Variants in AGBL1 observed in about 807,000 individuals in gnomAD.
The protein encoded by AGBL1 is cytosolic carboxypeptidase 4.
A neutral mutation model predicts 118.9 loss-of-function variants in AGBL1; 130 were observed. The observed-to-expected ratio is 1.09, with a 90% CI of 0.95 to 1.26. The LOEUF is 1.26. Ranked by LOEUF, AGBL1 falls within the 50% of genes most tolerant of loss-of-function variation. The pLI is 0.00. For missense variants in AGBL1, 1,584 were observed against 1,298.1 expected (o/e 1.22, Z -3.38); for synonymous variants, 555 against 478.9 (o/e 1.16, Z -2.08).
chr15:86,130,111 G>A (rs1255516868), intron 1 of AGBL1, among the ~76,000 whole-genome samples: 1 of 152,076 alleles, frequency 6.6e-6, no homozygotes. Context: ...GTCCACACTG[G>A]CCTCTTTTAT....
intron 18 of AGBL1, among the ~76,000 whole-genome samples, chr15:86,438,808 C>T (rs1254169686): frequency 6.6e-6 from 1 of 151,874 alleles, no homozygotes; most frequent in Non-Finnish European, 1.5e-5. Flanking sequence ...ATTACAGGCA[C>T]CTGCCACCAT....
At chr15:86,748,009 G>A (rs2077783337) in intron 22 of AGBL1, among the ~76,000 whole-genome samples, 1 of 152,118 alleles carries the variant, frequency 6.6e-6, no homozygotes, top group African/African-American at 2.4e-5. Context: ...TGGGATTGCT[G>A]GGTCAAATGG....
intron 14 of AGBL1, among the ~76,000 whole-genome samples, 200 bp from the exon 15 acceptor site, chr15:86,271,419 A>G (rs867379697): frequency 6.6e-6 from 1 of 152,046 alleles, no homozygotes; most frequent in African/African-American, 2.4e-5. Context: ...AAGGATATTT[A>G]TGATTGCATT....
At chr15:86,404,571 T>A (rs2081496274) in intron 18 of AGBL1, among the ~76,000 whole-genome samples, 2 of 152,206 alleles carry the variant, frequency 1.3e-5, no homozygotes, top group African/African-American at 4.8e-5. Flanking sequence ...ATTTCACAGA[T>A]CTGTTGAATT....
At chr15:86,870,513 CA>C (rs1013067130) in intron 22 of AGBL1, among the ~76,000 whole-genome samples, 2 of 99,552 alleles carry the variant, frequency 2.0e-5, no homozygotes, top group African/African-American at 8.4e-5. Flanking sequence ...ACAAACACAG[CA>C]AAAGCCCTTT....
At chr15:86,704,666 G>A (rs1039749621) in intron 22 of AGBL1, among the ~76,000 whole-genome samples, 5 of 152,120 alleles carry the variant, frequency 3.3e-5, no homozygotes, top group East Asian at 1.9e-4. Context: ...AAACAGGAAC[G>A]CTTTTACATT....
At chr15:86,285,546 C>A (rs566392901) in intron 16 of AGBL1, among the ~76,000 whole-genome samples, 1 of 152,086 alleles carries the variant, frequency 6.6e-6, no homozygotes, top group Admixed American at 6.6e-5. Flanking sequence ...GTAAGACGTG[C>A]CTTTGCTGTT....
chr15:86,603,452 A>T (rs541854219), intron 21 of AGBL1, among the ~76,000 whole-genome samples: 1 of 151,718 alleles, frequency 6.6e-6, no homozygotes, highest in South Asian at 2.1e-4. Context: ...CATCTCAAGC[A>T]TCTGGGCACT....
At chr15:87,020,011 A>G (rs28841093) in intron 24 of AGBL1, among the ~76,000 whole-genome samples, 4,980 of 152,022 alleles carry the variant, frequency 0.033, 278 homozygotes, top group African/African-American at 0.11. Flanking sequence ...GAAAATCTAG[A>G]TAAAATGAAT....
chr15:86,746,066 A>C (rs1033618085), intron 22 of AGBL1, among the ~76,000 whole-genome samples: 2 of 152,032 alleles, frequency 1.3e-5, no homozygotes, highest in African/African-American at 2.4e-5. Context: ...CCTCTCACCT[A>C]GTACTTCATC....
In AGBL1 at chr15:86,258,152, C is replaced by T; in HGVS notation, c.969+121C>T. The T allele has an allele frequency of 3.2e-6, 3 of 934,738 alleles. No homozygotes were observed. The East Asian group carries it at 7.4e-5, about 23-fold the overall frequency. The allele number at this position is 934,738 out of a possible 1,614,324, so 57.9% of individuals were successfully genotyped here. On this transcript the variant is annotated intron_variant, in intron 9 of 22. Coordinates refer to ENST00000614907, the MANE Select transcript of AGBL1 (RefSeq NM_001386094.1). ...TTAAGAACTGACTTTAGTACTGCCA[C>T]TCCAGTGGTCGTGATGCGCAGTAAA...
chr15:86,835,386 T>C (rs766663514), intron 22 of AGBL1, among the ~76,000 whole-genome samples: 1 of 152,078 alleles, frequency 6.6e-6, no homozygotes, highest in Non-Finnish European at 1.5e-5. Context: ...TGGGGTGGTG[T>C]TTAACGGAGT....
At chr15:86,710,552 C>T (rs944052368) in intron 22 of AGBL1, among the ~76,000 whole-genome samples, 11 of 152,222 alleles carry the variant, frequency 7.2e-5, no homozygotes, top group African/African-American at 2.2e-4. Context: ...TAAATCATGT[C>T]AAACACATTT....
At chr15:86,654,233 T>C (rs1308869301) in intron 21 of AGBL1, among the ~76,000 whole-genome samples, 5 of 152,156 alleles carry the variant, frequency 3.3e-5, no homozygotes, top group African/African-American at 9.6e-5. Flanking sequence ...ACATTCCTTG[T>C]TTATAATCTC....
At chr15:86,830,313 C>G (rs1294555264) in intron 22 of AGBL1, among the ~76,000 whole-genome samples, 1 of 152,070 alleles carries the variant, frequency 6.6e-6, no homozygotes, top group African/African-American at 2.4e-5. Flanking sequence ...AGGTTAACTT[C>G]TAATCTAACT....
intron 22 of AGBL1, among the ~76,000 whole-genome samples, chr15:86,744,870 C>T (rs547903707): frequency 6.6e-6 from 1 of 152,140 alleles, no homozygotes; most frequent in Non-Finnish European, 1.5e-5. Context: ...GACCCAGGTG[C>T]CAGATTGGTG....
At chr15:86,449,775 T>C (rs2082170340) in intron 18 of AGBL1, among the ~76,000 whole-genome samples, 1 of 152,150 alleles carries the variant, frequency 6.6e-6, no homozygotes, top group Non-Finnish European at 1.5e-5. Context: ...TGAGGCAGAT[T>C]CTGGGTTGTT....
intron 17 of AGBL1, among the ~76,000 whole-genome samples, chr15:86,389,166 A>C (rs2081241116): frequency 6.6e-6 from 1 of 152,208 alleles, no homozygotes; most frequent in South Asian, 2.1e-4. Flanking sequence ...TAAAAAAATA[A>C]GGAGTATAAG....
At chr15:86,736,484 G>T (rs1186892064) in intron 22 of AGBL1, among the ~76,000 whole-genome samples, 1 of 152,116 alleles carries the variant, frequency 6.6e-6, no homozygotes, top group African/African-American at 2.4e-5. Flanking sequence ...TTATGAGTGG[G>T]CTCCATGATC....
Sources: gnomAD v4.1 joint callset for allele counts (sites outside exome capture counted in the v4.1 genomes callset) on GRCh38, gnomAD v4.1.1 for gene constraint, MANE v1.5 for transcripts, NCBI Gene and HGNC (gene_info 2026-07-23, HGNC 2026-07-21) for gene names.